NRXN1: variants seen among roughly 807,000 people sequenced by gnomAD.
NRXN1 encodes the protein neurexin-1.
A neutral mutation model predicts 150.9 loss-of-function variants in NRXN1; 39 were observed. The observed-to-expected ratio is 0.26, with a 90% CI of 0.20 to 0.34. NRXN1 has a LOEUF of 0.34. Among genes scored for constraint, NRXN1 ranks in the 10% least tolerant of loss-of-function variants. NRXN1 has a pLI of 1.00. For missense variants in NRXN1, 1,815 were observed against 1,949.9 expected (o/e 0.93, Z 1.30); for synonymous variants, 924 against 757.0 (o/e 1.22, Z -3.62).
intron 18 of NRXN1, among the ~76,000 whole-genome samples, chr2:50,216,181 A>C (rs944838630): frequency 6.6e-6 from 1 of 151,962 alleles, no homozygotes; most frequent in Non-Finnish European, 1.5e-5. Context: ...TGATCCCACC[A>C]CGGCACCCCA....
chr2:50,066,789 A>G (rs533414391), intron 19 of NRXN1, among the ~76,000 whole-genome samples: 2 of 152,320 alleles, frequency 1.3e-5, no homozygotes, highest in South Asian at 4.1e-4. Context: ...AAAGTGAAAT[A>G]TTTGTGTTAG....
At position 50,726,373 on chromosome 2, in the gene NRXN1, G is replaced by A. The variant is rs553478276; in HGVS notation, c.833-102758C>T. On this transcript the variant is annotated intron_variant, in intron 5 of 22. Transcript: ENST00000401669. ...ATAATAGTAATAACCTTAGCTGCGC[G>A]TGGTGGCGCCCGCCTGCAATCCCAG... Among the ~76,000 whole-genome samples, 21 of 152,242 alleles carry A rather than the reference G, an allele frequency of 1.4e-4. No homozygotes were observed. In the East Asian group the frequency reaches 2.1e-3, roughly 15 times the overall value.
intron 2 of NRXN1, among the ~76,000 whole-genome samples, chr2:50,970,853 C>G (rs1694886363): frequency 6.6e-6 from 1 of 151,850 alleles, no homozygotes; most frequent in Admixed American, 6.6e-5. Flanking sequence ...CTAAAAAGAA[C>G]AACTTGACCA....
At chr2:50,484,071 C>A (rs768479004) in intron 15 of NRXN1, among the ~76,000 whole-genome samples, 1 of 152,102 alleles carries the variant, frequency 6.6e-6, no homozygotes, top group South Asian at 2.1e-4. Context: ...AAAATTGGCA[C>A]CGGCTCTCAA....
intron 21 of NRXN1, among the ~76,000 whole-genome samples, chr2:49,999,330 C>T (rs1269748348): frequency 6.6e-6 from 1 of 152,102 alleles, no homozygotes; most frequent in African/African-American, 2.4e-5. Flanking sequence ...CCTGACACCA[C>T]CACATAAACA....
intron 5 of NRXN1, among the ~76,000 whole-genome samples, chr2:50,683,384 G>A (rs768549001): frequency 1.3e-5 from 2 of 151,020 alleles, no homozygotes; most frequent in Non-Finnish European, 2.9e-5. Flanking sequence ...TGTAATTCCA[G>A]CACTTTGGGA....
At chr2:49,952,306 T>A (rs984919345) in intron 21 of NRXN1, among the ~76,000 whole-genome samples, 1 of 152,028 alleles carries the variant, frequency 6.6e-6, no homozygotes, top group Non-Finnish European at 1.5e-5. Flanking sequence ...GGATTTTAGA[T>A]AAGTAACCAC....
intron 21 of NRXN1, among the ~76,000 whole-genome samples, chr2:49,959,409 T>A (rs1268276497): frequency 2.6e-5 from 4 of 152,322 alleles, no homozygotes; most frequent in Non-Finnish European, 5.9e-5. Flanking sequence ...AGTGGGTGAT[T>A]CACCTGGTGT....
At chr2:50,170,336 C>A (rs1283459000) in intron 18 of NRXN1, among the ~76,000 whole-genome samples, 1 of 152,032 alleles carries the variant, frequency 6.6e-6, no homozygotes, top group African/African-American at 2.4e-5. Flanking sequence ...CACTCTATTG[C>A]CCAGTCTGGA....
chr2:50,467,621 T>G (rs1215796603), intron 16 of NRXN1, among the ~76,000 whole-genome samples: 2 of 151,356 alleles, frequency 1.3e-5, no homozygotes, highest in Non-Finnish European at 3.0e-5. Flanking sequence ...ATTCACAAAT[T>G]CAGAAACCAT....
intron 5 of NRXN1, among the ~76,000 whole-genome samples, chr2:50,627,128 T>A (rs1368589104): frequency 1.3e-5 from 2 of 151,868 alleles, no homozygotes; most frequent in Non-Finnish European, 2.9e-5. Context: ...CATTCTTATA[T>A]ACTGCTGATG....
intron 19 of NRXN1, among the ~76,000 whole-genome samples, chr2:50,088,967 T>C (rs1699182444): frequency 6.6e-6 from 1 of 152,188 alleles, no homozygotes; most frequent in Non-Finnish European, 1.5e-5. Flanking sequence ...AATGCAATGA[T>C]GTTTGGCTAA....
chr2:50,994,335 G>A (rs531619878), intron 2 of NRXN1, among the ~76,000 whole-genome samples: 184 of 151,934 alleles, frequency 1.2e-3, no homozygotes, highest in South Asian at 0.011. Context: ...ATTTTTCAAG[G>A]AATACACTTA....
chr2:50,400,741 G>GA lies in NRXN1; in HGVS notation c.3364+64700dup, dbSNP rs1369236644. 2.0e-5 allele frequency among the ~76,000 whole-genome samples: 3 copies of GA among 152,206 alleles called. No individual in the cohort carries two copies. In the East Asian group the frequency reaches 5.8e-4, roughly 29 times the overall value. On this transcript the variant is annotated intron_variant, in intron 17 of 22. Transcript: ENST00000401669. ...TGCTAGAATTCTGAATGCTGAAACT[G>GA]AAAAAAAGTGTGCTTTGGGCAAACA...
chr2:50,366,063 A>G (rs186597906), intron 17 of NRXN1, among the ~76,000 whole-genome samples: 6 of 151,958 alleles, frequency 3.9e-5, no homozygotes, highest in East Asian at 1.9e-4. Flanking sequence ...CTTTCACCCA[A>G]CATAAATTCC....
intron 2 of NRXN1, among the ~76,000 whole-genome samples, chr2:50,976,167 C>G (rs932561146): frequency 1.3e-5 from 2 of 150,412 alleles, no homozygotes; most frequent in African/African-American, 4.9e-5. Context: ...TATTAATTTA[C>G]TTTGCAATCA....
chr2:50,532,991 T>A (rs973043048), intron 10 of NRXN1, among the ~76,000 whole-genome samples: 2 of 152,198 alleles, frequency 1.3e-5, no homozygotes, highest in African/African-American at 4.8e-5. Flanking sequence ...AGCAATTAAG[T>A]GTACTGATAC....
At chr2:50,598,685 T>C (rs1032132560) in intron 8 of NRXN1, among the ~76,000 whole-genome samples, 2 of 146,836 alleles carry the variant, frequency 1.4e-5, no homozygotes, top group African/African-American at 5.0e-5. Context: ...TGTGTATGTA[T>C]ATACATATCT....
intron 5 of NRXN1, among the ~76,000 whole-genome samples, chr2:50,691,860 T>A (rs1467618094): frequency 2.0e-5 from 3 of 152,130 alleles, no homozygotes; most frequent in African/African-American, 4.8e-5. Context: ...CAGCTCCCAT[T>A]CCCTATTCTA....
Sources: allele counts gnomAD v4.1 joint callset (sites outside exome capture counted in the v4.1 genomes callset), GRCh38; gene constraint gnomAD v4.1.1; transcripts MANE v1.5; gene names NCBI Gene and HGNC (gene_info 2026-07-23, HGNC 2026-07-21).